Variants in CSMD2 observed in about 807,000 individuals in gnomAD.
CSMD2 encodes the protein CUB and sushi domain-containing protein 2.
In CSMD2, 130 loss-of-function variants were observed where a neutral mutation model predicts 398.5. The observed-to-expected ratio is 0.33, with a 90% CI of 0.28 to 0.38. The LOEUF is 0.38. Ranked by LOEUF, CSMD2 falls within the 10% of genes least tolerant of loss-of-function variation. The pLI, the probability that CSMD2 is intolerant of heterozygous loss-of-function variation, is 1.00. For synonymous variants in CSMD2, 1,828 were observed against 1,908.5 expected, an observed-to-expected ratio of 0.96 and a Z score of 1.10; for missense variants, 3,829 against 4,764.9, an observed-to-expected ratio of 0.80 and a Z score of 5.78.
At chr1:34,151,948 TC>T (rs934677530) in intron 1 of CSMD2, among the ~76,000 whole-genome samples, 5 of 151,904 alleles carry the variant, frequency 3.3e-5, no homozygotes, top group African/African-American at 1.2e-4. Flanking sequence ...GCTCAAGCCA[TC>T]CCCCGGCCTC....
At chr1:33,981,589 T>C (rs148872487) in intron 3 of CSMD2, among the ~76,000 whole-genome samples, 17 of 152,366 alleles carry the variant, frequency 1.1e-4, no homozygotes, top group African/African-American at 3.6e-4. Context: ...ACTCTATATC[T>C]GGCCCTGGGC....
rs1057218467 is a variant in CSMD2, at chr1:33,769,958, C to T, written c.1846+2611G>A. On this transcript the variant is annotated intron_variant, in intron 13 of 70. Transcript: ENST00000373381. ...CGCTTTGTAAAACACAGAGACCAAC[C>T]TTATATTTTATATTTTTATAGATGT... Among the ~76,000 whole-genome samples the T allele has an allele frequency of 2.0e-5, 3 of 152,122 alleles. No individual in the cohort carries two copies. In the South Asian group the frequency reaches 6.2e-4, roughly 31 times the overall value.
At chr1:33,700,976 A>G (rs1645594485) in intron 22 of CSMD2, among the ~76,000 whole-genome samples, 2 of 152,206 alleles carry the variant, frequency 1.3e-5, no homozygotes, top group Non-Finnish European at 2.9e-5. Context: ...ATGCCCATAT[A>G]GCACCAGCTT....
chr1:33,718,180 C>T (rs772517517), intron 19 of CSMD2, among the ~76,000 whole-genome samples: 25 of 152,302 alleles, frequency 1.6e-4, no homozygotes, highest in Non-Finnish European at 3.1e-4. Flanking sequence ...AGAGGCTGTG[C>T]TCTCAGCTAC....
intron 22 of CSMD2, 80 bp from the exon 23 acceptor site, chr1:33,700,753 C>T (rs1645586213): frequency 4.9e-6 from 7 of 1,439,702 alleles, no homozygotes; most frequent in Non-Finnish European, 6.7e-6. Flanking sequence ...CCACAACCCA[C>T]ACTCCTGGAG....
In CSMD2 at chr1:34,049,940, A is replaced by T. The variant is rs189160149; in HGVS notation, c.405-17234T>A. Among the ~76,000 whole-genome samples, 4 of 151,976 alleles carry T rather than the reference A, an allele frequency of 2.6e-5. No homozygotes were observed. In the East Asian group the frequency reaches 7.7e-4, roughly 29 times the overall value. On this transcript the variant is annotated intron_variant, in intron 2 of 70. Coordinates refer to ENST00000373381, the MANE Select transcript of CSMD2 (RefSeq NM_001281956.2). ...GAGATTAGTGCCCTTATAAGAAAAGACCCCTTTCTCTGCCTCTCTTGCCGA... is the reference window on the plus strand; with the variant it reads ...GAGATTAGTGCCCTTATAAGAAAAGTCCCCTTTCTCTGCCTCTCTTGCCGA...
In CSMD2 at chr1:33,527,274, A is replaced by T; in HGVS notation, c.10172-16T>A. ...GGCCGGACCTCTGCTGGGGAAAAAG[A>T]GTGGAAGAAAACAGGTTCAGCTTCT... On this transcript the variant is annotated splice_polypyrimidine_tract_variant and intron_variant, in intron 64 of 70. Coordinates refer to ENST00000373381, the MANE Select transcript of CSMD2 (RefSeq NM_001281956.2). 1 of 1,608,210 alleles carries T rather than the reference A, an allele frequency of 6.2e-7. No individual in the cohort carries two copies. The highest frequency in any genetic ancestry group is 1.7e-5 in the Admixed American group (1 of 59,462).
chr1:33,997,472 C>A (rs494514), intron 3 of CSMD2, among the ~76,000 whole-genome samples: 1 of 152,110 alleles, frequency 6.6e-6, no homozygotes, highest in Non-Finnish European at 1.5e-5. Context: ...ATGTTGGGAC[C>A]GCATCCCAGC....
chr1:33,912,756 C>T (rs1432988036), intron 5 of CSMD2, among the ~76,000 whole-genome samples: 1 of 152,154 alleles, frequency 6.6e-6, no homozygotes, highest in Non-Finnish European at 1.5e-5. Flanking sequence ...CTTTCCTAGT[C>T]CTGCACAGAG....
intron 3 of CSMD2, among the ~76,000 whole-genome samples, chr1:34,026,563 T>G (rs1378590027): frequency 6.6e-6 from 1 of 152,110 alleles, no homozygotes; most frequent in East Asian, 1.9e-4. Context: ...AGTGTCAGAG[T>G]GCACGAGATC....
intron 12 of CSMD2, among the ~76,000 whole-genome samples, chr1:33,778,388 T>C (rs865847007): frequency 1.3e-5 from 2 of 152,120 alleles, no homozygotes; most frequent in Non-Finnish European, 2.9e-5. Context: ...AGTATTTTAC[T>C]GGTTACTGTT....
At chr1:34,077,215 T>C (rs1558343284) in intron 2 of CSMD2, among the ~76,000 whole-genome samples, 1 of 151,572 alleles carries the variant, frequency 6.6e-6, no homozygotes, top group Non-Finnish European at 1.5e-5. Context: ...CCCAGCACTT[T>C]GGGAGGCCGA....
intron 2 of CSMD2, among the ~76,000 whole-genome samples, chr1:34,078,748 C>A (rs1232979725): frequency 6.6e-6 from 1 of 152,218 alleles, no homozygotes; most frequent in African/African-American, 2.4e-5. Context: ...ATCTACCAGA[C>A]AAGTGAAGAA....
rs1642606075 is a variant in CSMD2, at chr1:33,633,617, A to G, written c.5087-82T>C. 1.9e-6 allele frequency: 2 copies of G among 1,026,652 alleles called. No homozygotes were observed. The highest frequency in any genetic ancestry group is 4.0e-5 in the Admixed American group (2 of 49,816). The allele number at this position is 1,026,652 out of a possible 1,614,324, so 63.6% of individuals were successfully genotyped here. ...ATCTAGGGGTCTAGGGGCCCAAGCC[A>G]GGAGGAGGGCAGCCCTGGGGAAGTT... On this transcript the variant is annotated intron_variant, in intron 31 of 70. Transcript: ENST00000373381. The surrounding 1 kb of genome is among the most constrained non-coding windows in gnomAD (Gnocchi z 5.0).
At chr1:33,726,515 G>A in intron 16 of CSMD2, 32 bp downstream of exon 16, 1 of 1,585,950 alleles carries the variant, frequency 6.3e-7, no homozygotes, top group Non-Finnish European at 8.6e-7. Context: ...TCTCCCCCTT[G>A]CCCTCTCCCC....
intron 2 of CSMD2, among the ~76,000 whole-genome samples, chr1:34,079,070 C>T (rs1485007601): frequency 1.3e-5 from 2 of 152,154 alleles, no homozygotes; most frequent in South Asian, 2.1e-4. Context: ...AGTGCATTTT[C>T]CACACTGCCA....
chr1:34,106,276 C>A (rs1037673679), intron 1 of CSMD2, among the ~76,000 whole-genome samples: 27 of 152,138 alleles, frequency 1.8e-4, no homozygotes, highest in African/African-American at 6.5e-4. Context: ...CACAGACAAA[C>A]CTAGAAGGAC....
intron 2 of CSMD2, among the ~76,000 whole-genome samples, 188 bp downstream of exon 2, chr1:34,088,789 A>G (rs975183369): frequency 6.6e-6 from 1 of 152,168 alleles, no homozygotes; most frequent in Non-Finnish European, 1.5e-5. Flanking sequence ...CTACTCATCA[A>G]TCCTCCCAAC....
chr1:34,031,557 G>C (rs1650419034), intron 3 of CSMD2, among the ~76,000 whole-genome samples: 1 of 151,762 alleles, frequency 6.6e-6, no homozygotes, highest in South Asian at 2.1e-4. Flanking sequence ...GCCTTCCCAG[G>C]AGCCCCCAGT....
Sources: gnomAD v4.1 joint callset for allele counts (sites outside exome capture counted in the v4.1 genomes callset) on GRCh38, gnomAD v4.1.1 for gene constraint, Gnocchi (gnomAD v3.1) non-coding constraint, MANE v1.5 for transcripts, NCBI Gene and HGNC (gene_info 2026-07-23, HGNC 2026-07-21) for gene names.